TENM3: variants seen among roughly 807,000 people sequenced by gnomAD.
TENM3 encodes the protein teneurin-3.
TENM3 carries 63 observed loss-of-function variants against 255.1 expected under a neutral mutation model. That is an observed-to-expected ratio of 0.25 (90% CI 0.20 to 0.30). The LOEUF (loss-of-function observed/expected upper bound fraction) is 0.30. Ranked by LOEUF, TENM3 falls within the 10% of genes least tolerant of loss-of-function variation. The probability of loss-of-function intolerance (pLI) is 1.00; values close to 1 mark genes in which losing one functional copy is unlikely to be tolerated. For synonymous variants in TENM3, 1,306 were observed against 1,322.3 expected, an observed-to-expected ratio of 0.99 and a Z score of 0.27; for missense variants, 2,929 against 3,461.1, an observed-to-expected ratio of 0.85 and a Z score of 3.86.
chr4:182,023,428 T>C, the TENM3 span, among the ~76,000 whole-genome samples: 1,625 of 152,302 alleles, frequency 0.011, 16 homozygotes, highest in South Asian at 0.021. Flanking sequence ...ACTATAATTA[T>C]CATAGGTTTT....
chr4:182,800,000 C>T lies in TENM3; in HGVS notation c.7749C>T (p.Thr2583=). Residue 2583 remains threonine (T), a synonymous_variant, in exon 28 of 28, where the codon ACC becomes ACT. Coordinates refer to ENST00000511685, the MANE Select transcript of TENM3 (RefSeq NM_001080477.4). This position sits in a 1 kb window ranked among gnomAD's most constrained non-coding sequence, Gnocchi z 4.2. ...TCAACGTGACGGTGTCGCAGTCCAC[C>T]ACGGTGGTGAACGGCAGGACGCGCA... ...NGINVTVSQS[T]TVVNGRTRRF... 1 of 1,593,774 alleles carries T rather than the reference C, an allele frequency of 6.3e-7. No individual in the cohort carries two copies. Among genetic ancestry groups the T allele is most frequent in the South Asian group, 1.1e-5 (1 of 87,780 alleles).
At chr4:182,118,714 T>C in the TENM3 span, among the ~76,000 whole-genome samples, 11 of 152,160 alleles carry the variant, frequency 7.2e-5, no homozygotes, top group Non-Finnish European at 5.9e-5. Context: ...TCTATGAAAA[T>C]GGTCATGTAA....
chr4:181,917,353 T>C, the TENM3 span, among the ~76,000 whole-genome samples: 345 of 152,302 alleles, frequency 2.3e-3, no homozygotes, highest in African/African-American at 7.7e-3. Context: ...CTATAGCACA[T>C]AACATGTATT....
At chr4:181,669,028 A>C in the TENM3 span, among the ~76,000 whole-genome samples, 1 of 152,172 alleles carries the variant, frequency 6.6e-6, no homozygotes, top group Non-Finnish European at 1.5e-5. Flanking sequence ...AATAACCTCC[A>C]ATCATAGGTC....
the TENM3 span, among the ~76,000 whole-genome samples, chr4:182,051,728 C>T: frequency 1.4e-4 from 21 of 152,090 alleles, 1 homozygote; most frequent in African/African-American, 5.1e-4. Context: ...TTTGGAGGAA[C>T]AAATGTGGTA....
chr4:182,175,955 C>A (rs905679549), intron 1 of TENM3, among the ~76,000 whole-genome samples: 1 of 149,862 alleles, frequency 6.7e-6, no homozygotes, highest in African/African-American at 2.4e-5. Context: ...ACGGTAGCTC[C>A]GGCCATTTAG....
At chr4:182,218,130 A>T (rs1173199459) in intron 1 of TENM3, among the ~76,000 whole-genome samples, 1 of 152,164 alleles carries the variant, frequency 6.6e-6, no homozygotes, top group Non-Finnish European at 1.5e-5. Context: ...CCAAAATCAC[A>T]TAGGTTATGG....
chr4:182,560,371 T>C (rs974699028), intron 3 of TENM3, among the ~76,000 whole-genome samples: 27 of 152,180 alleles, frequency 1.8e-4, no homozygotes, highest in African/African-American at 6.3e-4. Context: ...TAGATTCCAT[T>C]CCCAAGGTGA....
the TENM3 span, among the ~76,000 whole-genome samples, chr4:181,751,547 A>G: frequency 6.6e-6 from 1 of 152,054 alleles, no homozygotes; most frequent in Non-Finnish European, 1.5e-5. Context: ...CTGATCCAGA[A>G]CCGATTACAC....
At chr4:181,468,606 A>G in the TENM3 span, among the ~76,000 whole-genome samples, 1 of 152,222 alleles carries the variant, frequency 6.6e-6, no homozygotes, top group East Asian at 1.9e-4. Flanking sequence ...CTACATTTGT[A>G]TAGTATGACA....
Position 182,490,023 on chromosome 4 carries a change from T to C in TENM3, c.512-110901T>C, listed in dbSNP as rs183887614. 4.9e-3 allele frequency among the ~76,000 whole-genome samples: 742 copies of C among 152,262 alleles called. 1 individual carries two copies. Among genetic ancestry groups the C allele is most frequent in the Middle Eastern group, 6.8e-3 (2 of 294 alleles). On this transcript the variant is annotated intron_variant, in intron 3 of 27. Transcript: ENST00000511685. The stretch of plus-strand genomic sequence containing the variant: ...TAAGAGGAGTAAAGACCAAATTCTG[T>C]TGGAGAAAGCAGAAACTCTCAGCTG...
the TENM3 span, among the ~76,000 whole-genome samples, chr4:181,931,919 G>C: frequency 6.6e-6 from 1 of 152,142 alleles, no homozygotes; most frequent in African/African-American, 2.4e-5. Flanking sequence ...AATGGGCAAA[G>C]GATTCCCCAT....
intron 3 of TENM3, among the ~76,000 whole-genome samples, chr4:182,559,127 ATTTTTTTTTT>A (rs70956518): frequency 2.8e-5 from 3 of 107,478 alleles, no homozygotes; most frequent in Non-Finnish European, 1.8e-5. Context: ...ATTCCTCGGG[ATTTTTTTTTT>A]TTTTTTTTTT....
At chr4:181,538,659 T>C in the TENM3 span, among the ~76,000 whole-genome samples, 2 of 152,150 alleles carry the variant, frequency 1.3e-5, no homozygotes, top group Non-Finnish European at 1.5e-5. Flanking sequence ...ACCTGAGCTG[T>C]GACCAGCACA....
intron 3 of TENM3, among the ~76,000 whole-genome samples, chr4:182,436,455 C>G (rs1246615172): frequency 6.6e-6 from 1 of 152,306 alleles, no homozygotes; most frequent in East Asian, 1.9e-4. Flanking sequence ...GCTGCATAAT[C>G]TCTTCTGTTA....
chr4:181,494,908 G>A, the TENM3 span, among the ~76,000 whole-genome samples: 10 of 151,974 alleles, frequency 6.6e-5, no homozygotes, highest in East Asian at 1.9e-4. Context: ...TGCCACTTCC[G>A]TGCCATCTTT....
chr4:182,628,803 C>A lies in TENM3; in HGVS notation c.902C>A (p.Ser301Tyr). The A allele has an allele frequency of 6.2e-7, 1 of 1,611,158 alleles. No individual in the cohort carries two copies. Among genetic ancestry groups the A allele is most frequent in the Non-Finnish European group, 8.5e-7 (1 of 1,178,728 alleles). The change falls in exon 5 of 28, where the codon TCT becomes TAT. Residue 301 changes from serine to tyrosine, a missense_variant. Transcript: ENST00000511685. ...LSRSAFKFKKSSKYCSWKCTA... is the reference protein window; with the variant it reads ...LSRSAFKFKKYSKYCSWKCTA... The stretch of plus-strand genomic sequence containing the variant: ...AGAAGTGCTTTTAAATTCAAGAAGT[C>A]TTCAAAGTACTGTAGCTGGAAATGC...
chr4:181,789,326 G>A, the TENM3 span, among the ~76,000 whole-genome samples: 5 of 151,260 alleles, frequency 3.3e-5, no homozygotes, highest in South Asian at 1.0e-3. Flanking sequence ...CATGATCTCG[G>A]CTCACTGCAA....
rs542296039 is a variant in TENM3 at position 182,342,242 on chromosome 4, C to T, written c.233-4409C>T. ...AAAAAGATAGAGATAACTCAAATGT[C>T]CATTAACTGATGAATGGATAAATGA... On this transcript the variant is annotated intron_variant, in intron 2 of 27. Transcript: ENST00000511685. Among the ~76,000 whole-genome samples, 6 of 152,246 alleles carry T rather than the reference C, an allele frequency of 3.9e-5. 1 individual carries two copies. The highest frequency in any genetic ancestry group is 1.4e-4 in the African/African-American group (6 of 41,546).
Sources: allele counts gnomAD v4.1 joint callset (sites outside exome capture counted in the v4.1 genomes callset), GRCh38; gene constraint gnomAD v4.1.1; non-coding constraint Gnocchi (gnomAD v3.1); transcripts MANE v1.5; gene names NCBI Gene and HGNC (gene_info 2026-07-23, HGNC 2026-07-21).